EXOC6B: variants seen among roughly 807,000 people sequenced by gnomAD.
The protein encoded by EXOC6B is exocyst complex component 6B.
EXOC6B carries 54 observed loss-of-function variants against 113.5 expected under a neutral mutation model. The ratio of observed to expected loss-of-function variants is 0.48; its 90% confidence interval spans 0.38 to 0.60. The LOEUF is 0.60. EXOC6B is among the 20% of genes least tolerant of loss of function. EXOC6B has a pLI of 0.00. For synonymous variants in EXOC6B, 357 were observed against 339.0 expected (o/e 1.05, Z -0.58); for missense variants, 797 against 977.5 (o/e 0.82, Z 2.46).
intron 18 of EXOC6B, among the ~76,000 whole-genome samples, chr2:72,432,771 G>GT (rs1423360021): frequency 2.6e-5 from 4 of 151,880 alleles, no homozygotes; most frequent in East Asian, 3.9e-4. Context: ...TGATGGGGTT[G>GT]TTTTTTTTCT....
intron 11 of EXOC6B, among the ~76,000 whole-genome samples, chr2:72,509,256 T>C (rs892362371): frequency 1.3e-5 from 2 of 152,308 alleles, no homozygotes; most frequent in Middle Eastern, 3.4e-3. Flanking sequence ...TGTGGACACC[T>C]TAATCTCTGA....
intron 20 of EXOC6B, among the ~76,000 whole-genome samples, chr2:72,327,468 C>A (rs565322597): frequency 6.6e-6 from 1 of 152,072 alleles, no homozygotes; most frequent in Non-Finnish European, 1.5e-5. Flanking sequence ...GGAAGTTAGA[C>A]CCCTGAGGTG....
chr2:72,264,856 G>A (rs112054620), intron 20 of EXOC6B, among the ~76,000 whole-genome samples: 37,051 of 151,774 alleles, frequency 0.24, 8,152 homozygotes, highest in African/African-American at 0.59. Context: ...AATTTCCTGA[G>A]GCCTCCTCAG....
At chr2:72,755,080 C>G (rs1682325725) in intron 1 of EXOC6B, among the ~76,000 whole-genome samples, 1 of 152,168 alleles carries the variant, frequency 6.6e-6, no homozygotes, top group African/African-American at 2.4e-5. Flanking sequence ...CCAACTGGCT[C>G]TCACTTTGAC....
chr2:72,236,099 C>A (rs1681942901), intron 20 of EXOC6B, among the ~76,000 whole-genome samples: 3 of 152,180 alleles, frequency 2.0e-5, no homozygotes, highest in African/African-American at 4.8e-5. Context: ...AGTTAATTTA[C>A]TTCCCTTGGA....
chr2:72,809,627 TTC>T (rs1385939868), intron 1 of EXOC6B, among the ~76,000 whole-genome samples: 2 of 151,948 alleles, frequency 1.3e-5, no homozygotes, highest in African/African-American at 2.4e-5. Flanking sequence ...TAAACAAAGT[TTC>T]GGTTTTTTGA....
chr2:72,380,693 T>A (rs1318393927), intron 18 of EXOC6B, among the ~76,000 whole-genome samples: 1 of 152,028 alleles, frequency 6.6e-6, no homozygotes, highest in East Asian at 1.9e-4. Flanking sequence ...AAAGATTACC[T>A]GAAAAAAATA....
intron 20 of EXOC6B, among the ~76,000 whole-genome samples, chr2:72,291,805 A>G (rs753788785): frequency 2.6e-5 from 4 of 152,196 alleles, no homozygotes; most frequent in Non-Finnish European, 4.4e-5. Context: ...GGTTTAAATG[A>G]TTAGTAGCTA....
intron 6 of EXOC6B, among the ~76,000 whole-genome samples, chr2:72,597,758 C>T (rs766019878): frequency 5.3e-5 from 8 of 151,744 alleles, no homozygotes; most frequent in African/African-American, 1.2e-4. Flanking sequence ...ATATACCACA[C>T]GAACAGTAAC....
chr2:72,768,196 A>G (rs1014654927), intron 1 of EXOC6B, among the ~76,000 whole-genome samples: 4 of 151,766 alleles, frequency 2.6e-5, no homozygotes, highest in African/African-American at 9.7e-5. Context: ...AAGAACATAC[A>G]AGTATAAATA....
chr2:72,401,566 CATATATATATATATACATATATATATAT>C (rs1693236843), intron 18 of EXOC6B, among the ~76,000 whole-genome samples: 1 of 14,886 alleles, frequency 6.7e-5, no homozygotes, highest in Non-Finnish European at 1.2e-4. Flanking sequence ...TATATATATA[CATATATATATATATACATATATATATAT>C]ATATATATGT....
chr2:72,266,676 A>G lies in EXOC6B; in HGVS notation c.2196+68271T>C, dbSNP rs1438991504. 2.6e-5 allele frequency among the ~76,000 whole-genome samples: 4 copies of G among 152,320 alleles called. No individual in the cohort carries two copies. The East Asian group carries it at 7.7e-4, about 29-fold the overall frequency. On this transcript the variant is annotated intron_variant, in intron 20 of 21. Transcript: ENST00000272427. Reference sequence around the variant, plus strand: ...ACTGTAGCCTTGTAGTATGGTTTGAAGTCAGGTAGCGTGATGCCTCCAGCT... The same window carrying G: ...ACTGTAGCCTTGTAGTATGGTTTGAGGTCAGGTAGCGTGATGCCTCCAGCT...
intron 6 of EXOC6B, among the ~76,000 whole-genome samples, chr2:72,692,740 T>C (rs1255681408): frequency 6.6e-6 from 1 of 152,146 alleles, no homozygotes; most frequent in Non-Finnish European, 1.5e-5. Flanking sequence ...TCTAAGATGG[T>C]CCTTAGAAGA....
chr2:72,497,496 G>A (rs1025510936), intron 13 of EXOC6B, among the ~76,000 whole-genome samples: 5 of 152,004 alleles, frequency 3.3e-5, no homozygotes, highest in African/African-American at 7.2e-5. Context: ...CACTGAAGGC[G>A]TCAGATCAGA....
rs780146387 is a variant in EXOC6B, at chr2:72,825,373, G to C, written c.113+425C>G. 6.6e-6 allele frequency among the ~76,000 whole-genome samples: 1 copy of C among 152,156 alleles called. No homozygotes were observed. The highest frequency in any genetic ancestry group is 1.9e-4 in the East Asian group (1 of 5,184). On this transcript the variant is annotated intron_variant, in intron 1 of 21. Transcript: ENST00000272427. This position sits in a 1 kb window ranked among gnomAD's most constrained non-coding sequence, Gnocchi z 4.4. ...GATTCTGAGGCAAGACTTTGATTTCGAGCACTAGACCATGGAGTGAAATTC... is the reference window on the plus strand; with the variant it reads ...GATTCTGAGGCAAGACTTTGATTTCCAGCACTAGACCATGGAGTGAAATTC...
intron 18 of EXOC6B, among the ~76,000 whole-genome samples, chr2:72,384,445 T>C (rs920036357): frequency 6.6e-6 from 1 of 152,062 alleles, no homozygotes; most frequent in Admixed American, 6.6e-5. Context: ...TCTTTTTTTT[T>C]AAGATTAGGA....
intron 8 of EXOC6B, among the ~76,000 whole-genome samples, chr2:72,540,289 A>G: frequency 6.6e-6 from 1 of 152,214 alleles, no homozygotes; most frequent in Non-Finnish European, 1.5e-5. Context: ...AGCATGATTT[A>G]TAGTCCTTTG....
Position 72,379,762 on chromosome 2 carries a change from G to T in EXOC6B, c.2089C>A (p.Gln697Lys). Residue 697 changes from glutamine to lysine, a missense_variant, in exon 19 of 22, where the codon CAG becomes AAG. By Grantham distance (53) the Gln-to-Lys change is moderately conservative (BLOSUM62 1). Transcript: ENST00000272427. Reference sequence around the variant, plus strand: ...TCTCTGACGTCCAAGTTGAACTGCTGTAATGCTCCCAAGGTGAGCTGCCGC... The same window carrying T: ...TCTCTGACGTCCAAGTTGAACTGCTTTAATGCTCCCAAGGTGAGCTGCCGC... ...EVRQLTLGAL[Q>K]QFNLDVRECE... 6.2e-7 allele frequency: 1 copy of T among 1,613,168 alleles called. No homozygotes were observed. The highest frequency in any genetic ancestry group is 8.5e-7 in the Non-Finnish European group (1 of 1,179,488).
intron 19 of EXOC6B, among the ~76,000 whole-genome samples, chr2:72,357,151 G>A (rs1163987287): frequency 1.3e-5 from 2 of 152,122 alleles, no homozygotes; most frequent in African/African-American, 4.8e-5. Flanking sequence ...AAAAGATGAA[G>A]GGTAAGTATA....
Sources: gnomAD v4.1 joint callset for allele counts (sites outside exome capture counted in the v4.1 genomes callset) on GRCh38, gnomAD v4.1.1 for gene constraint, Gnocchi (gnomAD v3.1) non-coding constraint, MANE v1.5 for transcripts, NCBI Gene and HGNC (gene_info 2026-07-23, HGNC 2026-07-21) for gene names.